MCTP1: variants seen among roughly 807,000 people sequenced by gnomAD.
MCTP1 encodes multiple C2 and transmembrane domain containing 1, also known as multiple C2 and transmembrane domain-containing protein 1.
A neutral mutation model predicts 120.6 loss-of-function variants in MCTP1; 69 were observed. That is an observed-to-expected ratio of 0.57 (90% CI 0.47 to 0.70). The LOEUF (loss-of-function observed/expected upper bound fraction) is 0.70. Ranked by LOEUF, MCTP1 falls within the 30% of genes least tolerant of loss-of-function variation. The probability of loss-of-function intolerance (pLI) is 0.00; values close to 1 mark genes in which losing one functional copy is unlikely to be tolerated. For missense variants in MCTP1, 1,203 were observed against 1,248.8 expected (o/e 0.96, Z 0.55); for synonymous variants, 529 against 493.1 (o/e 1.07, Z -0.96).
chr5:95,283,944 A>G lies in MCTP1; in HGVS notation c.632T>C (p.Leu211Pro), dbSNP rs1760538427. 26 of 1,406,302 alleles carry G rather than the reference A, an allele frequency of 1.8e-5. No individual in the cohort carries two copies. The highest frequency in any genetic ancestry group is 2.3e-5 in the Non-Finnish European group (25 of 1,086,568). 87.1% of individuals were successfully genotyped at this position (1,406,302 alleles called of 1,614,324 possible). Residue 211 changes from leucine to proline, a missense_variant, in exon 1 of 23, where the codon CTG becomes CCG. Coordinates refer to ENST00000515393, the MANE Select transcript of MCTP1 (RefSeq NM_024717.7). ...LPGTACLEQLLEPPPPPAEPA... is the reference protein window; with the variant it reads ...LPGTACLEQLPEPPPPPAEPA... ...CTCTGCGGGAGGAGGCGGCGGCTCC[A>G]GCAGCTGCTCCAGGCAGGCGGTGCC...
chr5:94,991,677 C>G (rs541107909), intron 2 of MCTP1, among the ~76,000 whole-genome samples: 16 of 151,736 alleles, frequency 1.1e-4, no homozygotes, highest in African/African-American at 3.9e-4. Context: ...AGTTTGAGAC[C>G]AGCCTGGCCA....
chr5:94,755,336 A>G (rs559751431), intron 19 of MCTP1, among the ~76,000 whole-genome samples: 4 of 152,176 alleles, frequency 2.6e-5, no homozygotes, highest in African/African-American at 9.6e-5. Flanking sequence ...GATTCCTTTT[A>G]AAGAGTGAGT....
chr5:95,128,760 G>A (rs1190603333), intron 1 of MCTP1, among the ~76,000 whole-genome samples: 3 of 152,142 alleles, frequency 2.0e-5, no homozygotes, highest in African/African-American at 2.4e-5. Flanking sequence ...CGGGTTGTGC[G>A]ATCAATGCAC....
intron 1 of MCTP1, chr5:95,038,286 T>C (rs1357101274): frequency 4.3e-6 from 1 of 232,090 alleles, no homozygotes; most frequent in Non-Finnish European, 7.1e-6. Context: ...TTGTAAATTC[T>C]GGTTGGAGAA....
intron 2 of MCTP1, among the ~76,000 whole-genome samples, chr5:94,990,738 A>ACAT (rs1831385620): frequency 6.6e-6 from 1 of 152,216 alleles, no homozygotes; most frequent in Non-Finnish European, 1.5e-5. Context: ...GGATCATTAG[A>ACAT]GGTCATTTTA....
chr5:94,912,691 A>G (rs554024563), intron 9 of MCTP1, 115 bp downstream of exon 9: 1 of 816,708 alleles, frequency 1.2e-6, no homozygotes, highest in East Asian at 3.0e-5. Flanking sequence ...ATGGTGTTCA[A>G]AAGAGTTTGT....
intron 20 of MCTP1, among the ~76,000 whole-genome samples, chr5:94,712,922 C>T (rs1757604495): frequency 1.3e-5 from 2 of 151,986 alleles, no homozygotes; most frequent in Admixed American, 1.3e-4. Context: ...TCCCTGTGTT[C>T]TCCTTACTCC....
intron 3 of MCTP1, among the ~76,000 whole-genome samples, chr5:94,947,577 T>TATAGAGAGAGAGAGAG: frequency 4.9e-4 from 23 of 47,388 alleles, no homozygotes; most frequent in South Asian, 7.0e-4. Context: ...TATATATATA[T>TATAGAGAGAGAGAGAG]AGAGAGAGAG....
chr5:95,047,115 G>A (rs1179664653), intron 1 of MCTP1, among the ~76,000 whole-genome samples: 3 of 152,156 alleles, frequency 2.0e-5, no homozygotes, highest in Non-Finnish European at 4.4e-5. Flanking sequence ...TACAGTTCTT[G>A]TATCATAACA....
intron 1 of MCTP1, among the ~76,000 whole-genome samples, chr5:95,124,548 C>G (rs1484410578): frequency 6.6e-6 from 1 of 152,188 alleles, no homozygotes; most frequent in African/African-American, 2.4e-5. Context: ...GATTCCAGAA[C>G]TCCATGCTGA....
chr5:94,848,614 C>G (rs1315220623), intron 17 of MCTP1, among the ~76,000 whole-genome samples: 1 of 151,998 alleles, frequency 6.6e-6, no homozygotes, highest in African/African-American at 2.4e-5. Flanking sequence ...ACATAAGTTC[C>G]TTATGATGAT....
intron 10 of MCTP1, among the ~76,000 whole-genome samples, chr5:94,898,906 T>A (rs1804775480): frequency 6.6e-6 from 1 of 152,206 alleles, no homozygotes; most frequent in South Asian, 2.1e-4. Context: ...TCTCAAACCC[T>A]CAAATTCCAC....
intron 2 of MCTP1, among the ~76,000 whole-genome samples, chr5:94,971,386 C>A (rs1826831115): frequency 6.6e-6 from 1 of 151,958 alleles, no homozygotes; most frequent in East Asian, 1.9e-4. Flanking sequence ...TGGGGCAGAG[C>A]ATCATTTGTT....
chr5:95,044,423 G>A (rs1426531251), intron 1 of MCTP1, among the ~76,000 whole-genome samples: 1 of 152,170 alleles, frequency 6.6e-6, no homozygotes, highest in Non-Finnish European at 1.5e-5. Flanking sequence ...TTCCCACGAT[G>A]TGATCTTCAG....
At chr5:94,880,455 A>G (rs1271826766) in intron 12 of MCTP1, among the ~76,000 whole-genome samples, 2 of 152,172 alleles carry the variant, frequency 1.3e-5, no homozygotes, top group Non-Finnish European at 2.9e-5. Context: ...TTAGGTGATT[A>G]AACATTTTAA....
chr5:95,046,943 T>C (rs1744695009), intron 1 of MCTP1, among the ~76,000 whole-genome samples: 1 of 152,174 alleles, frequency 6.6e-6, no homozygotes, highest in African/African-American at 2.4e-5. Context: ...GCATCTAATG[T>C]AGTATTTCAA....
chr5:94,972,034 T>C (rs1284808135), intron 2 of MCTP1, among the ~76,000 whole-genome samples: 2 of 152,164 alleles, frequency 1.3e-5, no homozygotes, highest in Non-Finnish European at 2.9e-5. Context: ...CATCATTCCT[T>C]ATCTAGATTA....
chr5:95,125,770 T>C (rs1232797223), intron 1 of MCTP1, among the ~76,000 whole-genome samples: 11 of 152,250 alleles, frequency 7.2e-5, no homozygotes, highest in African/African-American at 2.7e-4. Context: ...TATAAATGAA[T>C]GAAATCATAT....
intron 19 of MCTP1, among the ~76,000 whole-genome samples, chr5:94,718,212 T>C (rs1018018596): frequency 6.6e-6 from 1 of 152,042 alleles, no homozygotes; most frequent in South Asian, 2.1e-4. Context: ...AGACCGCACA[T>C]CTACAACCAT....
Sources: gnomAD v4.1 joint callset for allele counts (sites outside exome capture counted in the v4.1 genomes callset) on GRCh38, gnomAD v4.1.1 for gene constraint, MANE v1.5 for transcripts, NCBI Gene and HGNC (gene_info 2026-07-23, HGNC 2026-07-21) for gene names.